The following KLF9 variants were observed in gnomAD, a reference collection of about 807,000 sequenced individuals.
KLF9 encodes the protein KLF transcription factor 9.
Under a neutral mutation model 17.3 loss-of-function variants are expected in KLF9, and 2 were observed. The ratio of observed to expected loss-of-function variants is 0.12; its 90% CI spans 0.05 to 0.36. The LOEUF (loss-of-function observed/expected upper bound fraction) is 0.36. KLF9 is among the 10% of genes least tolerant of loss of function. The pLI is 1.00. For missense variants in KLF9, 226 were observed against 333.2 expected (o/e 0.68, Z 2.51); for synonymous variants, 138 against 139.2 (o/e 0.99, Z 0.06).
chr9:70,411,504 C>A (rs1178496616), intron 1 of KLF9, among the ~76,000 whole-genome samples: 2 of 152,196 alleles, frequency 1.3e-5, no homozygotes, highest in Non-Finnish European at 2.9e-5. Context: ...TGACCCCAAA[C>A]AGAACCTGAT....
chr9:70,409,142 A>G lies in KLF9; in HGVS notation c.505+3717T>C, dbSNP rs201307409. On this transcript the variant is annotated intron_variant, in intron 1 of 1. Coordinates refer to ENST00000377126, the MANE Select transcript of KLF9 (RefSeq NM_001206.4). Reference sequence around the variant, plus strand: ...TATATGTATATATGTATACATATATATGTATATGTATATATATACACATAT... The same window carrying G: ...TATATGTATATATGTATACATATATGTGTATATGTATATATATACACATAT... 5.2e-4 allele frequency among the ~76,000 whole-genome samples: 30 copies of G among 58,216 alleles called. 1 individual carries two copies. Among genetic ancestry groups the G allele is most frequent in the Middle Eastern group, 0.01 (1 of 98 alleles). 38.2% of individuals were successfully genotyped at this position (58,216 alleles called of 152,430 possible). A position where few individuals can be genotyped will look rare whatever the true frequency, so the allele number is the denominator to read the frequency against.
intron 1 of KLF9, among the ~76,000 whole-genome samples, chr9:70,409,170 GTATA>G (rs71954306): frequency 1.3e-5 from 1 of 78,536 alleles, no homozygotes; most frequent in African/African-American, 4.1e-5. Flanking sequence ...ACACATATAT[GTATA>G]TATATGTATA....
At chr9:70,411,609 T>C (rs2037314008) in intron 1 of KLF9, among the ~76,000 whole-genome samples, 1 of 152,170 alleles carries the variant, frequency 6.6e-6, no homozygotes. Context: ...TGAGAAGCAG[T>C]TACGTGGCCT....
chr9:70,393,334 C>A (rs2037163527), intron 1 of KLF9, among the ~76,000 whole-genome samples: 1 of 152,136 alleles, frequency 6.6e-6, no homozygotes, highest in Non-Finnish European at 1.5e-5. Context: ...AAATGAAGCC[C>A]ATTTTTTTGT....
intron 1 of KLF9, among the ~76,000 whole-genome samples, chr9:70,400,846 C>T (rs780817242): frequency 1.3e-5 from 2 of 152,152 alleles, no homozygotes; most frequent in South Asian, 4.1e-4. Flanking sequence ...GAGTGAGCCA[C>T]TAAGTCACAT....
intron 1 of KLF9, among the ~76,000 whole-genome samples, chr9:70,399,648 A>G (rs2037208896): frequency 6.6e-6 from 1 of 152,246 alleles, no homozygotes; most frequent in Non-Finnish European, 1.5e-5. Context: ...GCCCTGCACA[A>G]TAGTGTGTGA....
In KLF9 at chr9:70,412,734, A is replaced by G. The variant is rs201734447; in HGVS notation, c.505+125T>C. On this transcript the variant is annotated intron_variant, in intron 1 of 1. Coordinates refer to ENST00000377126, the MANE Select transcript of KLF9 (RefSeq NM_001206.4). ...ACATTTAAATTATTTAAAGAGTTAA[A>G]CCGCATCTTATCCAACATGTTTGCA... is the stretch of plus-strand genomic sequence containing the variant. 1.5e-4 allele frequency: 138 copies of G among 897,462 alleles called. 1 individual carries two copies. In the East Asian group the frequency reaches 3.4e-3, roughly 22 times the overall value. 55.6% of individuals were successfully genotyped at this position (897,462 alleles called of 1,614,324 possible). A position where few individuals can be genotyped will look rare whatever the true frequency, so the allele number is the denominator to read the frequency against.
intron 1 of KLF9, among the ~76,000 whole-genome samples, chr9:70,409,194 GTATATGTATATATATATACA>G (rs1417397231): frequency 1.2e-4 from 9 of 72,616 alleles, no homozygotes; most frequent in South Asian, 4.1e-4. Context: ...ACATATACAT[GTATATGTATATATATATACA>G]TATATGTATA....
In KLF9 at chr9:70,412,853, G is replaced by A. The variant is rs1001671266; in HGVS notation, c.505+6C>T. On this transcript the variant is annotated splice_donor_region_variant and intron_variant, in intron 1 of 1. Transcript: ENST00000377126. Reference sequence around the variant, plus strand: ...GAGCTCCGGGGGAGAGGGCGACGCCGCTAACCTGTATGCACTCTGTAATGG... The same window carrying A: ...GAGCTCCGGGGGAGAGGGCGACGCCACTAACCTGTATGCACTCTGTAATGG... The A allele has an allele frequency of 6.4e-6, 10 of 1,555,772 alleles. No homozygotes were observed. The African/African-American group carries it at 1.2e-4, about 19-fold the overall frequency.
In KLF9 at chr9:70,384,794, C is replaced by T. The variant is rs1360474607; in HGVS notation, c.*2982G>A. 1 of 152,588 alleles carries T rather than the reference C, an allele frequency of 6.6e-6. No individual in the cohort carries two copies. The highest frequency in any genetic ancestry group is 1.5e-5 in the Non-Finnish European group (1 of 68,024). The allele number at this position is 152,588 out of a possible 1,614,324, so 9.5% of individuals were successfully genotyped here. The stretch of plus-strand genomic sequence containing the variant: ...ATCAGTATCTTACAGTGTTACAGAT[C>T]ATCTGATGTGAAAGAACATCTCAAT... On this transcript the variant is annotated 3_prime_UTR_variant, in exon 2 of 2. Coordinates refer to ENST00000377126, the MANE Select transcript of KLF9 (RefSeq NM_001206.4).
intron 1 of KLF9, among the ~76,000 whole-genome samples, chr9:70,402,016 A>T (rs1163710691): frequency 2.6e-5 from 4 of 152,012 alleles, no homozygotes; most frequent in African/African-American, 9.6e-5. Context: ...TGTCTCAAAA[A>T]AAATAAATAA....
chr9:70,410,117 A>T (rs2037298797), intron 1 of KLF9, among the ~76,000 whole-genome samples: 1 of 152,250 alleles, frequency 6.6e-6, no homozygotes, highest in Non-Finnish European at 1.5e-5. Context: ...GATCCTGTAA[A>T]TGATTAAAAT....
At chr9:70,394,943 G>A (rs1006278393) in intron 1 of KLF9, among the ~76,000 whole-genome samples, 21 of 152,190 alleles carry the variant, frequency 1.4e-4, no homozygotes, top group Non-Finnish European at 2.9e-4. Context: ...AACACACACC[G>A]TAAGAATTTC....
intron 1 of KLF9, among the ~76,000 whole-genome samples, chr9:70,406,143 A>C (rs1354882211): frequency 6.6e-6 from 1 of 152,218 alleles, no homozygotes; most frequent in Non-Finnish European, 1.5e-5. Context: ...TTCAAATGAA[A>C]GTACTGCAAA....
intron 1 of KLF9, among the ~76,000 whole-genome samples, chr9:70,407,041 GA>G (rs2037260921): frequency 6.6e-6 from 1 of 151,750 alleles, no homozygotes; most frequent in African/African-American, 2.4e-5. Context: ...GCTCCAACTA[GA>G]GCATGTCAGA....
At chr9:70,400,022 T>C (rs1233520145) in intron 1 of KLF9, among the ~76,000 whole-genome samples, 1 of 152,140 alleles carries the variant, frequency 6.6e-6, no homozygotes, top group Non-Finnish European at 1.5e-5. Context: ...CTAAGAAATA[T>C]CCAGGTCTTT....
At position 70,409,632 on chromosome 9, in the gene KLF9, T is replaced by C. The variant is rs2037295805; in HGVS notation, c.505+3227A>G. 2.0e-5 allele frequency among the ~76,000 whole-genome samples: 3 copies of C among 152,202 alleles called. No individual in the cohort carries two copies. In the South Asian group the frequency reaches 6.2e-4, roughly 31 times the overall value. On this transcript the variant is annotated intron_variant, in intron 1 of 1. Coordinates refer to ENST00000377126, the MANE Select transcript of KLF9 (RefSeq NM_001206.4). ...TTCAAATAATATGCTTGATATATTT[T>C]CATATAAAATACTCTAATAGTTCTA...
intron 1 of KLF9, 54 bp downstream of exon 1, chr9:70,412,805 T>TG: frequency 4.6e-6 from 7 of 1,511,892 alleles, no homozygotes; most frequent in Non-Finnish European, 6.2e-6. Flanking sequence ...GAACGCTGCC[T>TG]GGCCAAAGGT....
intron 1 of KLF9, among the ~76,000 whole-genome samples, chr9:70,410,582 G>GC (rs2037305025): frequency 6.6e-6 from 1 of 152,218 alleles, no homozygotes; most frequent in Non-Finnish European, 1.5e-5. Context: ...AAGTGAGCAA[G>GC]CTGGAGGGTT....
Sources: allele counts gnomAD v4.1 joint callset (sites outside exome capture counted in the v4.1 genomes callset), GRCh38; gene constraint gnomAD v4.1.1; transcripts MANE v1.5; gene names NCBI Gene and HGNC (gene_info 2026-07-23, HGNC 2026-07-21).